The following CBR4 variants were observed in gnomAD, a reference collection of about 807,000 sequenced individuals.
CBR4 encodes 3-oxoacyl-[acyl-carrier-protein] reductase.
In CBR4, 22 loss-of-function variants were observed where a neutral mutation model predicts 21.0. The observed-to-expected ratio is 1.05, with a 90% CI of 0.75 to 1.50. The LOEUF (loss-of-function observed/expected upper bound fraction) is 1.50, where lower values mean the gene tolerates loss of function less well. Ranked by LOEUF, CBR4 falls within the 40% of genes most tolerant of loss-of-function variation. The pLI is 0.00. For missense variants in CBR4, 302 were observed against 286.3 expected (o/e 1.05, Z -0.40); for synonymous variants, 100 against 104.4 (o/e 0.96, Z 0.26).
chr4:169,007,179 T>C (rs1261583435), intron 2 of CBR4, among the ~76,000 whole-genome samples: 1 of 152,224 alleles, frequency 6.6e-6, no homozygotes, highest in Non-Finnish European at 1.5e-5. Flanking sequence ...ATAGTTTGAA[T>C]GGCCTGAGCA....
At chr4:168,922,970 C>T (rs979948524) in intron 2 of CBR4, among the ~76,000 whole-genome samples, 8 of 152,130 alleles carry the variant, frequency 5.3e-5, no homozygotes, top group African/African-American at 1.7e-4. Context: ...GCTATCTCTG[C>T]GACTTAGTTT....
At chr4:168,952,047 C>T (rs1000088796) in intron 2 of CBR4, among the ~76,000 whole-genome samples, 7 of 152,192 alleles carry the variant, frequency 4.6e-5, no homozygotes, top group African/African-American at 1.7e-4. Flanking sequence ...CTCAGGAACA[C>T]CAAATATTCT....
intron 2 of CBR4, chr4:168,898,212 C>T: frequency 4.3e-6 from 2 of 460,694 alleles, no homozygotes; most frequent in African/African-American, 2.0e-5. Context: ...TCTTTCCTTC[C>T]CCTTGTTTCC....
chr4:168,947,114 C>A (rs953238719), intron 2 of CBR4, among the ~76,000 whole-genome samples: 10 of 151,948 alleles, frequency 6.6e-5, no homozygotes. Flanking sequence ...TTTAGTCGTG[C>A]CCCTGTCATG....
chr4:168,994,541 A>C (rs1242518159), intron 4 of CBR4, among the ~76,000 whole-genome samples: 1 of 152,136 alleles, frequency 6.6e-6, no homozygotes, highest in Non-Finnish European at 1.5e-5. Flanking sequence ...TAATAGGTGG[A>C]AAATGACAGA....
Position 168,989,025 on chromosome 4 carries a change from T to G in CBR4, c.*1125A>C. 1.0e-6 allele frequency: 1 copy of G among 984,718 alleles called. No homozygotes were observed. The highest frequency in any genetic ancestry group is 1.2e-6 in the Non-Finnish European group (1 of 829,246). The allele number at this position is 984,718 out of a possible 1,614,324, so 61.0% of individuals were successfully genotyped here. ...ATTACCTGGTATTTCACATTCGGTT[T>G]GTGTCTTTATCTCTACTCCCAGGCA... On this transcript the variant is annotated 3_prime_UTR_variant, in exon 5 of 5. Transcript: ENST00000306193.
chr4:168,918,833 T>TA (rs1760811556), intron 2 of CBR4, among the ~76,000 whole-genome samples: 1 of 152,220 alleles, frequency 6.6e-6, no homozygotes, highest in African/African-American at 2.4e-5. Context: ...AGACCACTTG[T>TA]AAAATAACGT....
intron 1 of CBR4, chr4:169,008,977 G>C (rs1296967466): frequency 2.2e-6 from 1 of 455,602 alleles, no homozygotes; most frequent in Admixed American, 2.4e-5. Context: ...CCAGGTCCTT[G>C]GGAGACTGAG....
intron 2 of CBR4, among the ~76,000 whole-genome samples, chr4:168,956,205 A>G (rs560271883): frequency 9.2e-5 from 14 of 152,182 alleles, no homozygotes; most frequent in Admixed American, 2.6e-4. Context: ...AATGTATATC[A>G]GCAAAGTGGA....
chr4:169,003,090 G>C (rs1730597345), intron 3 of CBR4, among the ~76,000 whole-genome samples: 1 of 152,132 alleles, frequency 6.6e-6, no homozygotes, highest in Non-Finnish European at 1.5e-5. Context: ...TCAGCTCATG[G>C]ATCAAGGGAT....
At chr4:168,981,169 G>A (rs1294721672) in intron 2 of CBR4, among the ~76,000 whole-genome samples, 1 of 152,190 alleles carries the variant, frequency 6.6e-6, no homozygotes, top group Non-Finnish European at 1.5e-5. Context: ...GGAGGCCGAG[G>A]TGGATGGATT....
intron 2 of CBR4, among the ~76,000 whole-genome samples, chr4:168,979,575 T>A (rs938772422): frequency 2.6e-5 from 4 of 152,108 alleles, no homozygotes; most frequent in Non-Finnish European, 5.9e-5. Context: ...GGTACGGCCC[T>A]AGCTGCCCTT....
chr4:168,981,014 C>T (rs575020987), intron 2 of CBR4, among the ~76,000 whole-genome samples: 18 of 152,264 alleles, frequency 1.2e-4, no homozygotes, highest in South Asian at 6.2e-4. Context: ...TTAAGATTAT[C>T]GAGATTCAGG....
At position 168,943,858 on chromosome 4, in the gene CBR4, C is replaced by T. The variant is rs144212707; in HGVS notation, n.170-49093G>A. Among the ~76,000 whole-genome samples the T allele has an allele frequency of 8.4e-3, 1,278 of 152,004 alleles. 17 individuals carry two copies. The highest frequency in any genetic ancestry group is 0.029 in the African/African-American group (1,200 of 41,450). ...CCGAGAGGTGGGGGCTGCAGTGAGC[C>T]GAGACGGAGCTACTGCACTCCAGCC... On this transcript the variant is annotated intron_variant and non_coding_transcript_variant, in intron 2 of 3. Transcript: ENST00000509108.
intron 3 of CBR4, among the ~76,000 whole-genome samples, chr4:169,003,656 A>G (rs1730650200): frequency 6.6e-6 from 1 of 152,178 alleles, no homozygotes; most frequent in Non-Finnish European, 1.5e-5. Flanking sequence ...AGAGTCAATC[A>G]ATGTGGCAAA....
chr4:168,927,573 A>G (rs1762718658), intron 2 of CBR4: 1 of 230,338 alleles, frequency 4.3e-6, no homozygotes, highest in Admixed American at 5.7e-5. Context: ...GGAGAGACAA[A>G]AACAGGTTTG....
chr4:168,923,510 A>G (rs1761985006), intron 2 of CBR4, among the ~76,000 whole-genome samples: 1 of 152,080 alleles, frequency 6.6e-6, no homozygotes, highest in Non-Finnish European at 1.5e-5. Flanking sequence ...CAAGAAAACA[A>G]TTTCCCATTG....
chr4:168,920,998 G>C (rs566481677), intron 2 of CBR4, among the ~76,000 whole-genome samples: 1 of 152,006 alleles, frequency 6.6e-6, no homozygotes, highest in Non-Finnish European at 1.5e-5. Context: ...ATCCCATCTC[G>C]GTCTTCTCTA....
rs1291041294 is a variant in CBR4, at chr4:169,007,672, C to G, written c.227G>C (p.Arg76Pro). Residue 76 changes from arginine to proline, a missense_variant, in exon 2 of 5, where the codon CGA becomes CCA. By Grantham distance (103) the Arg-to-Pro change is moderately radical (BLOSUM62 -2). Transcript: ENST00000306193. ...TFEELEKHLGRVNFLVNAAGI... is the reference protein window; with the variant it reads ...TFEELEKHLGPVNFLVNAAGI... The stretch of plus-strand genomic sequence containing the variant: ...AGCTGCATTTACCAAGAAATTTACT[C>G]GACCTAAATGTTTCTCCAGCTCTTC... 5.7e-6 allele frequency: 9 copies of G among 1,588,284 alleles called. No individual in the cohort carries two copies. The Admixed American group carries it at 1.4e-4, about 25-fold the overall frequency.
Sources: gnomAD v4.1 joint callset for allele counts (sites outside exome capture counted in the v4.1 genomes callset) on GRCh38, gnomAD v4.1.1 for gene constraint, MANE v1.5 for transcripts, NCBI Gene and HGNC (gene_info 2026-07-23, HGNC 2026-07-21) for gene names.